Variants in PCK2 observed in about 807,000 individuals in gnomAD.
PCK2 encodes phosphoenolpyruvate carboxykinase 2, mitochondrial, also known as phosphoenolpyruvate carboxykinase [GTP], mitochondrial.
Under a neutral mutation model 65.9 loss-of-function variants are expected in PCK2, and 56 were observed. That is an observed-to-expected ratio of 0.85 (90% CI 0.69 to 1.06). The LOEUF (loss-of-function observed/expected upper bound fraction) is 1.06. Ranked by LOEUF, PCK2 falls within the 50% of genes least tolerant of loss-of-function variation. The pLI, the probability that PCK2 is intolerant of heterozygous loss-of-function variation, is 0.00. For missense variants in PCK2, 843 were observed against 863.1 expected, an observed-to-expected ratio of 0.98 and a Z score of 0.29; for synonymous variants, 305 against 319.6, an observed-to-expected ratio of 0.95 and a Z score of 0.49.
intron 7 of PCK2, chr14:24,100,568 G>A (rs920010248): frequency 9.1e-7 from 1 of 1,101,770 alleles, no homozygotes; most frequent in Non-Finnish European, 1.1e-6. Context: ...ATAAATACAG[G>A]CTGGATTTTT....
At chr14:24,097,266 C>A in intron 2 of PCK2, 129 bp downstream of exon 2, 2 of 854,616 alleles carry the variant, frequency 2.3e-6, no homozygotes, top group Non-Finnish European at 3.6e-6. Flanking sequence ...GGTAAACAGA[C>A]CCAGAAACTG....
chr14:24,098,269 T>TTG lies in PCK2; in HGVS notation c.343_344insGT (p.Ser115CysfsTer78). On this transcript the variant is annotated frameshift_variant, in exon 3 of 10. Coordinates refer to ENST00000216780, the MANE Select transcript of PCK2 (RefSeq NM_004563.4). LOFTEE classifies it high-confidence loss of function. ...AGAGCAAGACGGTGATTGTAACTCC[T>TTG]TCTCAGCGGGACACGGTACCACTCC... The TTG allele has an allele frequency of 6.2e-7, 1 of 1,614,064 alleles. No individual in the cohort carries two copies. Among genetic ancestry groups the TTG allele is most frequent in the Non-Finnish European group, 8.5e-7 (1 of 1,179,958 alleles).
chr14:24,099,353 C>G (rs1024449399), intron 5 of PCK2, 117 bp downstream of exon 5: 1 of 1,119,796 alleles, frequency 8.9e-7, no homozygotes, highest in African/African-American at 1.6e-5. Flanking sequence ...GGCGGGGACT[C>G]TACTTGAAGG....
At chr14:24,097,179 G>A in intron 2 of PCK2, 42 bp downstream of exon 2, 1 of 1,595,770 alleles carries the variant, frequency 6.3e-7, no homozygotes, top group Non-Finnish European at 8.6e-7. Flanking sequence ...GGTGCACTGA[G>A]GCCACTTTGG....
In PCK2 at chr14:24,100,012, A is replaced by C; in HGVS notation, c.1033A>C (p.Asn345His). The C allele has an allele frequency of 6.2e-7, 1 of 1,614,158 alleles. No individual in the cohort carries two copies. Among genetic ancestry groups the C allele is most frequent in the Non-Finnish European group, 8.5e-7 (1 of 1,180,002 alleles). The stretch of plus-strand genomic sequence containing the variant: ...CCTAACAGGTCGACTCCGGGCCATC[A>C]ACCCTGAGAACGGCTTCTTTGGGGT... Reference protein sequence around the residue: ...FDSEGRLRAINPENGFFGVAP... With the variant: ...FDSEGRLRAIHPENGFFGVAP... Residue 345 changes from asparagine (N) to histidine (H), a missense_variant, in exon 7 of 10, where the codon AAC becomes CAC. By Grantham distance (68) the Asn-to-His change is moderately conservative. Transcript: ENST00000216780.
intron 4 of PCK2, 43 bp downstream of exon 4, chr14:24,098,721 T>A: frequency 6.5e-7 from 1 of 1,546,386 alleles, no homozygotes; most frequent in Non-Finnish European, 8.9e-7. Context: ...GAGGCCTTCT[T>A]GTACTCAGAG....
chr14:24,094,380 C>T lies in PCK2; in HGVS notation c.-26C>T. The T allele has an allele frequency of 1.3e-6, 2 of 1,546,330 alleles. No homozygotes were observed. Among genetic ancestry groups the T allele is most frequent in the Non-Finnish European group, 8.7e-7 (1 of 1,149,252 alleles). On this transcript the variant is annotated 5_prime_UTR_variant, in exon 1 of 10. Transcript: ENST00000216780. The surrounding 1 kb of genome is among the most constrained non-coding windows in gnomAD (Gnocchi z 4.1). ...TCCCCGGCTCCGCTCGGTTCCTGGCCACCCCGCAGCCCCTGCCCAGGTGCC... is the reference window on the plus strand; with the variant it reads ...TCCCCGGCTCCGCTCGGTTCCTGGCTACCCCGCAGCCCCTGCCCAGGTGCC...
chr14:24,100,291 C>A, intron 7 of PCK2, 78 bp downstream of exon 7: 1 of 1,569,986 alleles, frequency 6.4e-7, no homozygotes, highest in East Asian at 2.2e-5. Flanking sequence ...TCCACAACCT[C>A]CAACCATCTT....
intron 4 of PCK2, 145 bp downstream of exon 4, chr14:24,098,823 G>A (rs1384515948): frequency 7.9e-6 from 6 of 762,476 alleles, no homozygotes; most frequent in Non-Finnish European, 1.3e-5. Context: ...TCCCAGCAGA[G>A]GGATAAGGCT....
rs750479317 is a variant in PCK2, at chr14:24,103,568, G to T, written c.1527G>T (p.Gly509=). ...AMRPFFGYNF[G]HYLEHWLSME... ...GGCCCTTTTTTGGCTACAACTTCGG[G>T]CACTACCTGGAACACTGGCTGAGCA... The change falls in exon 10 of 10, where the codon GGG becomes GGT. Residue 509 remains glycine (G), a synonymous_variant. Coordinates refer to ENST00000216780, the MANE Select transcript of PCK2 (RefSeq NM_004563.4). 1 of 1,585,192 alleles carries T rather than the reference G, an allele frequency of 6.3e-7. No individual in the cohort carries two copies. Among genetic ancestry groups the T allele is most frequent in the Non-Finnish European group, 8.6e-7 (1 of 1,163,690 alleles).
chr14:24,099,284 G>A (rs373365390), intron 5 of PCK2, 48 bp downstream of exon 5: 203 of 1,535,762 alleles, frequency 1.3e-4, no homozygotes, highest in Non-Finnish European at 1.8e-4. Flanking sequence ...CAGGGCAGGG[G>A]TGGGGCCTGG....
At chr14:24,100,415 T>C (rs1400572109) in intron 7 of PCK2, 18 of 1,202,870 alleles carry the variant, frequency 1.5e-5, no homozygotes, top group Non-Finnish European at 2.0e-5. Flanking sequence ...CTGGCTAAGT[T>C]GCTCAACTTC....
intron 4 of PCK2, among the ~76,000 whole-genome samples, 168 bp from the exon 5 acceptor site, chr14:24,098,881 G>C (rs2037022714): frequency 6.6e-6 from 1 of 152,230 alleles, no homozygotes; most frequent in African/African-American, 2.4e-5. Flanking sequence ...CCGTGTCCAA[G>C]AATAGGGGCA....
chr14:24,094,720 C>T lies in PCK2; in HGVS notation c.29+286C>T. 3 of 1,501,232 alleles carry T rather than the reference C, an allele frequency of 2.0e-6. No individual in the cohort carries two copies. Among genetic ancestry groups the T allele is most frequent in the South Asian group, 2.4e-5 (2 of 82,868 alleles). The allele number at this position is 1,501,232 out of a possible 1,614,324, so 93.0% of individuals were successfully genotyped here. ...TCAGAACTTCCTCTCTCTCCTCGCT[C>T]CTCTCTGCTGAGCCAGGTCTCCGCA... On this transcript the variant is annotated intron_variant, in intron 1 of 9. Transcript: ENST00000216780. The surrounding 1 kb of genome is among the most constrained non-coding windows in gnomAD (Gnocchi z 4.1).
chr14:24,099,947 T>A (rs2037089313), intron 6 of PCK2, 48 bp from the exon 7 acceptor site: 1 of 1,613,952 alleles, frequency 6.2e-7, no homozygotes, highest in Admixed American at 1.7e-5. Flanking sequence ...GTCTTACATC[T>A]CAAGTTTTCC....
At chr14:24,099,880 C>T in intron 6 of PCK2, 115 bp from the exon 7 acceptor site, 1 of 1,589,152 alleles carries the variant, frequency 6.3e-7, no homozygotes, top group Non-Finnish European at 8.6e-7. Flanking sequence ...ACAGCCTTTC[C>T]TCATCAGATC....
chr14:24,095,718 G>A (rs1034323294), intron 1 of PCK2, among the ~76,000 whole-genome samples: 3 of 152,128 alleles, frequency 2.0e-5, no homozygotes, highest in Non-Finnish European at 1.5e-5. Context: ...TTGCTCTCTC[G>A]GGTTTACTCC....
At position 24,103,926 on chromosome 14, in the gene PCK2, G is replaced by A. The variant is rs144940239; in HGVS notation, c.1885G>A (p.Glu629Lys). ...GGATCTGCCCAAAGAGGTGTTGGCT[G>A]AGCTTGAGGCCCTGGAGAGACGTGT... The part of the protein sequence containing the change: ...NQDLPKEVLA[E>K]LEALERRVHK... The change falls in exon 10 of 10, where the codon GAG (glutamate) becomes AAG (lysine). Residue 629 changes from glutamate (E) to lysine (K), a missense_variant. Coordinates refer to ENST00000216780, the MANE Select transcript of PCK2 (RefSeq NM_004563.4). 305 of 1,614,092 alleles carry A rather than the reference G, an allele frequency of 1.9e-4. 1 individual carries two copies. The African/African-American group carries it at 3.3e-3, about 17-fold the overall frequency.
In PCK2 at chr14:24,094,396, C is replaced by A; in HGVS notation, c.-10C>A. The A allele has an allele frequency of 1.9e-6, 3 of 1,555,118 alleles. No homozygotes were observed. Among genetic ancestry groups the A allele is most frequent in the Non-Finnish European group, 2.6e-6 (3 of 1,154,560 alleles). ...GTTCCTGGCCACCCCGCAGCCCCTGCCCAGGTGCCATGGCCGCATTGTACC... is the reference window on the plus strand; with the variant it reads ...GTTCCTGGCCACCCCGCAGCCCCTGACCAGGTGCCATGGCCGCATTGTACC... On this transcript the variant is annotated 5_prime_UTR_variant, in exon 1 of 10. Coordinates refer to ENST00000216780, the MANE Select transcript of PCK2 (RefSeq NM_004563.4). This position sits in a 1 kb window ranked among gnomAD's most constrained non-coding sequence, Gnocchi z 4.1.
Sources: gnomAD v4.1 joint callset for allele counts (sites outside exome capture counted in the v4.1 genomes callset) on GRCh38, gnomAD v4.1.1 for gene constraint, Gnocchi (gnomAD v3.1) non-coding constraint, MANE v1.5 for transcripts, NCBI Gene and HGNC (gene_info 2026-07-23, HGNC 2026-07-21) for gene names.